The following PRKCH variants were observed in gnomAD, a reference collection of about 807,000 sequenced individuals.
PRKCH encodes protein kinase C eta type.
PRKCH carries 28 observed loss-of-function variants against 82.5 expected under a neutral mutation model. The ratio of observed to expected loss-of-function variants is 0.34; its 90% CI spans 0.25 to 0.47. PRKCH has a LOEUF of 0.47. Among genes scored for constraint, PRKCH ranks in the 20% least tolerant of loss-of-function variants. The pLI is 1.00. For synonymous variants in PRKCH, 322 were observed against 327.4 expected, an observed-to-expected ratio of 0.98 and a Z score of 0.18; for missense variants, 705 against 881.8, an observed-to-expected ratio of 0.80 and a Z score of 2.54.
intron 1 of PRKCH, among the ~76,000 whole-genome samples, chr14:61,214,043 A>G (rs1280698013): frequency 3.3e-5 from 5 of 152,212 alleles, no homozygotes; most frequent in Non-Finnish European, 5.9e-5. Context: ...CACACATTAG[A>G]CAGCATAGAA....
chr14:61,322,253 A>G lies in PRKCH; in HGVS notation c.152A>G (p.Gln51Arg). The change falls in exon 1 of 14, where the codon CAG (glutamine) becomes CGG (arginine). Residue 51 changes from glutamine (Q) to arginine (R), a missense_variant. By Grantham distance (43) the Gln-to-Arg change is conservative (BLOSUM62 1). This residue lies in a region of PRKCH where 246 missense variants were observed against 308.0 expected (regional missense o/e 0.80). Coordinates refer to ENST00000332981, the MANE Select transcript of PRKCH (RefSeq NM_006255.5). ...CCCTATCTGACGGTGAGCGTGGACC[A>G]GGTGCGCGTGGGCCAGACCAGCACC... is the stretch of plus-strand genomic sequence containing the variant. ...LDPYLTVSVD[Q>R]VRVGQTSTKQ... The G allele has an allele frequency of 3.1e-6, 5 of 1,613,370 alleles. No homozygotes were observed. The highest frequency in any genetic ancestry group is 1.1e-5 in the South Asian group (1 of 91,026).
intron 1 of PRKCH, among the ~76,000 whole-genome samples, chr14:61,245,777 T>C (rs573001633): frequency 6.6e-6 from 1 of 152,318 alleles, no homozygotes; most frequent in Admixed American, 6.5e-5. Context: ...TCTGTTACCA[T>C]GTTCAGGTTC....
chr14:61,442,070 G>C (rs1406640802), intron 2 of PRKCH, among the ~76,000 whole-genome samples: 1 of 151,926 alleles, frequency 6.6e-6, no homozygotes, highest in Non-Finnish European at 1.5e-5. Flanking sequence ...GTCTCTTCCA[G>C]GGTTTAAAAT....
chr14:61,402,838 CT>C (rs1258724574), intron 2 of PRKCH, among the ~76,000 whole-genome samples: 335 of 142,844 alleles, frequency 2.3e-3, no homozygotes, highest in African/African-American at 6.7e-3. Flanking sequence ...ATCTAGCTGT[CT>C]TTTTTTTTAA....
intron 1 of PRKCH, among the ~76,000 whole-genome samples, chr14:61,231,502 A>G (rs2044743509): frequency 6.6e-6 from 1 of 151,686 alleles, no homozygotes; most frequent in African/African-American, 2.4e-5. Context: ...AGCTGGGACT[A>G]TAGGCACCCG....
chr14:61,421,111 A>G (rs1882813679), intron 2 of PRKCH, among the ~76,000 whole-genome samples: 1 of 151,342 alleles, frequency 6.6e-6, no homozygotes. Flanking sequence ...TAGTGCCTTT[A>G]TCAGTGACCC....
chr14:61,199,424 T>G (rs921257435), intron 1 of PRKCH, among the ~76,000 whole-genome samples: 1 of 152,226 alleles, frequency 6.6e-6, no homozygotes, highest in African/African-American at 2.4e-5. Flanking sequence ...TAAAATGAAG[T>G]GCCCTCTGCT....
chr14:61,397,847 C>T (rs991350641), intron 2 of PRKCH, among the ~76,000 whole-genome samples: 1 of 152,042 alleles, frequency 6.6e-6, no homozygotes, highest in Non-Finnish European at 1.5e-5. Context: ...ATGCCTAATG[C>T]GGGGGTAAAA....
chr14:61,483,047 A>C (rs1469877377), intron 9 of PRKCH, among the ~76,000 whole-genome samples: 1 of 152,256 alleles, frequency 6.6e-6, no homozygotes, highest in African/African-American at 2.4e-5. Context: ...GAGGAAGATG[A>C]ACAGGCTGGT....
intron 1 of PRKCH, among the ~76,000 whole-genome samples, chr14:61,381,446 G>C (rs567410900): frequency 6.6e-6 from 1 of 152,328 alleles, no homozygotes; most frequent in East Asian, 1.9e-4. Context: ...ATAACACCTA[G>C]TGTCATTGTT....
At chr14:61,310,922 T>C (rs2053538667) in intron 1 of PRKCH, among the ~76,000 whole-genome samples, 1 of 152,244 alleles carries the variant, frequency 6.6e-6, no homozygotes, top group Non-Finnish European at 1.5e-5. Context: ...TGCCAAGGCT[T>C]GGGGCTTGCA....
intron 2 of PRKCH, among the ~76,000 whole-genome samples, chr14:61,395,483 G>A (rs561422537): frequency 7.2e-5 from 11 of 152,132 alleles, no homozygotes; most frequent in African/African-American, 2.7e-4. Flanking sequence ...GAAAAGCAGT[G>A]TAAGGTCAGG....
intron 1 of PRKCH, among the ~76,000 whole-genome samples, chr14:61,332,474 G>A (rs1391014781): frequency 6.6e-6 from 1 of 152,196 alleles, no homozygotes; most frequent in Non-Finnish European, 1.5e-5. Flanking sequence ...ATTATGTACT[G>A]CCTTCCCAAA....
At chr14:61,291,458 T>A (rs1413742635) in intron 1 of PRKCH, among the ~76,000 whole-genome samples, 3 of 151,408 alleles carry the variant, frequency 2.0e-5, no homozygotes, top group Non-Finnish European at 4.4e-5. Flanking sequence ...GCCCCCCAAG[T>A]AGCTGGGACT....
At chr14:61,442,044 A>G (rs982416592) in intron 2 of PRKCH, among the ~76,000 whole-genome samples, 1 of 152,134 alleles carries the variant, frequency 6.6e-6, no homozygotes, top group African/African-American at 2.4e-5. Context: ...ATCTGAGATT[A>G]TCTTTGAAAT....
chr14:61,288,436 T>C lies in PRKCH; in HGVS notation c.-19+100768T>C, dbSNP rs2045334373. 2.0e-5 allele frequency among the ~76,000 whole-genome samples: 3 copies of C among 152,208 alleles called. No homozygotes were observed. The South Asian group carries it at 6.2e-4, about 32-fold the overall frequency. ...CAATTCCATTACCTAGGTCACTGAT[T>C]CAAATGCAAAAATACCTTGGCCCAG... On this transcript the variant is annotated intron_variant, in intron 1 of 3. Transcript: ENST00000555185.
At chr14:61,459,344 G>A (rs961311949) in intron 9 of PRKCH, among the ~76,000 whole-genome samples, 1 of 152,238 alleles carries the variant, frequency 6.6e-6, no homozygotes, top group Non-Finnish European at 1.5e-5. Context: ...GAGTGAATTA[G>A]AATTAGTTAG....
At chr14:61,545,217 A>T (rs1350059196) in intron 12 of PRKCH, 2 of 151,978 alleles carry the variant, frequency 1.3e-5, no homozygotes, top group Non-Finnish European at 2.9e-5. Flanking sequence ...TTCTTCCTTC[A>T]TGCCTACTAT....
chr14:61,396,742 AGTGTGGAGGTGCTAAAGGTAGGGG>A (rs970231839), intron 2 of PRKCH, among the ~76,000 whole-genome samples: 2 of 151,842 alleles, frequency 1.3e-5, no homozygotes, highest in Admixed American at 6.6e-5. Flanking sequence ...AACGAAAAGG[AGTGTGGAGGTGCTAAAGGTAGGGG>A]GTGTGGAGGT....
Sources: gnomAD v4.1 joint callset for allele counts (sites outside exome capture counted in the v4.1 genomes callset) on GRCh38, gnomAD v4.1.1 for gene constraint, gnomAD v4.1.1 regional missense constraint, MANE v1.5 for transcripts, NCBI Gene and HGNC (gene_info 2026-07-23, HGNC 2026-07-21) for gene names.